The following SGSM1 variants were observed in gnomAD, a reference collection of about 807,000 sequenced individuals.
SGSM1 encodes the protein RUN and TBC1 domain containing 2.
In SGSM1, 73 loss-of-function variants were observed where a neutral mutation model predicts 133.8. The observed-to-expected ratio is 0.55, with a 90% CI of 0.45 to 0.66. SGSM1 has a LOEUF of 0.66. SGSM1 is among the 30% of genes least tolerant of loss of function. SGSM1 has a pLI of 0.00. For missense variants in SGSM1, 1,213 were observed against 1,448.1 expected, an observed-to-expected ratio of 0.84 and a Z score of 2.64; for synonymous variants, 563 against 573.0, an observed-to-expected ratio of 0.98 and a Z score of 0.25.
chr22:24,856,132 C>T, intron 8 of SGSM1: 1 of 351,130 alleles, frequency 2.8e-6, no homozygotes, highest in South Asian at 2.2e-5. Flanking sequence ...CATCTGTTCG[C>T]TCTTGTTCTC....
chr22:24,900,151 G>A (rs530813988), intron 19 of SGSM1, among the ~76,000 whole-genome samples: 95 of 151,478 alleles, frequency 6.3e-4, no homozygotes, highest in Non-Finnish European at 1.1e-3. Context: ...CCCACAAGTA[G>A]CTGGGACTAC....
At chr22:24,823,799 A>G (rs977678120) in intron 2 of SGSM1, among the ~76,000 whole-genome samples, 9 of 151,160 alleles carry the variant, frequency 6.0e-5, no homozygotes, top group African/African-American at 9.7e-5. Flanking sequence ...AGTCCCAGCT[A>G]CTCGGGAGGC....
Position 24,924,239 on chromosome 22 carries a change from G to A in SGSM1, c.3247G>A (p.Val1083Met), listed in dbSNP as rs1258882918. ...KQVLKLARDL[V>M]YKVQTLIENK ...AGTCCTGAAGCTGGCGCGGGACCTC[G>A]TGTACAAGGTGCAGACTCTGATTGA... The change falls in exon 25 of 25, where the codon GTG (valine) becomes ATG (methionine). Residue 1083 changes from valine (V) to methionine (M), a missense_variant. By Grantham distance (21) the Val-to-Met change is conservative. Transcript: ENST00000400358. 5 of 1,613,856 alleles carry A rather than the reference G, an allele frequency of 3.1e-6. No individual in the cohort carries two copies. Among genetic ancestry groups the A allele is most frequent in the African/African-American group, 1.3e-5 (1 of 74,928 alleles).
chr22:24,905,313 G>T lies in SGSM1; in HGVS notation c.2818+126G>T, dbSNP rs1933334279. On this transcript the variant is annotated intron_variant, in intron 21 of 24. Transcript: ENST00000400358. ...AGCCAGGTGCTCTGAAGGCCTGTCTGGTGAACACATCAAGATCCTAGTGAA... is the reference window on the plus strand; with the variant it reads ...AGCCAGGTGCTCTGAAGGCCTGTCTTGTGAACACATCAAGATCCTAGTGAA... 3.4e-6 allele frequency: 3 copies of T among 874,188 alleles called. No homozygotes were observed. In the Admixed American group the frequency reaches 5.4e-5, roughly 16 times the overall value. The allele number at this position is 874,188 out of a possible 1,614,324, so 54.2% of individuals were successfully genotyped here.
rs199948999 is a variant in SGSM1 at position 24,887,158 on chromosome 22, C to T, written c.1770+430C>T. Among the ~76,000 whole-genome samples the T allele has an allele frequency of 1.3e-4, 19 of 140,832 alleles. No individual in the cohort carries two copies. In the South Asian group the frequency reaches 4.4e-3, roughly 33 times the overall value. 92.4% of individuals were successfully genotyped at this position (140,832 alleles called of 152,430 possible). On this transcript the variant is annotated intron_variant, in intron 16 of 24. Coordinates refer to ENST00000400358, the MANE Select transcript of SGSM1 (RefSeq NM_001098497.3). ...GTGTGTTTTCTCTGCAGTTTTCTCA[C>T]GTGTAGATCTGTGTCCATCACCACG...
At chr22:24,862,229 C>T (rs1004566982) in intron 9 of SGSM1, among the ~76,000 whole-genome samples, 3 of 152,012 alleles carry the variant, frequency 2.0e-5, no homozygotes, top group South Asian at 2.1e-4. Context: ...GGATTACAGG[C>T]GTGAGCCACC....
At chr22:24,871,949 A>G (rs1310904263) in intron 12 of SGSM1, among the ~76,000 whole-genome samples, 1 of 152,172 alleles carries the variant, frequency 6.6e-6, no homozygotes, top group Non-Finnish European at 1.5e-5. Flanking sequence ...GAAGTCAACA[A>G]ACCCCTTTTC....
At position 24,862,612 on chromosome 22, in the gene SGSM1, A is replaced by T. The variant is rs112100085; in HGVS notation, c.926+2772A>T. On this transcript the variant is annotated intron_variant, in intron 9 of 24. Transcript: ENST00000400358. ...GTCAGGACCTGGATTCATTCACTGG[A>T]TGTTTACTGAGCCCCTACTCTGTGC... 2.1e-3 allele frequency among the ~76,000 whole-genome samples: 325 copies of T among 152,274 alleles called. 1 individual carries two copies. Among genetic ancestry groups the T allele is most frequent in the African/African-American group, 7.6e-3 (316 of 41,562 alleles).
intron 21 of SGSM1, among the ~76,000 whole-genome samples, chr22:24,908,470 T>C (rs1933489712): frequency 6.6e-6 from 1 of 152,098 alleles, no homozygotes; most frequent in Non-Finnish European, 1.5e-5. Flanking sequence ...AAAGGACTTG[T>C]AACCAAAATA....
chr22:24,819,155 A>AAC (rs1555919585), intron 2 of SGSM1, among the ~76,000 whole-genome samples: 3 of 110,920 alleles, frequency 2.7e-5, no homozygotes, highest in Non-Finnish European at 6.6e-5. Context: ...AAAAAAAAAA[A>AAC]AAACAATAAT....
intron 14 of SGSM1, among the ~76,000 whole-genome samples, chr22:24,883,389 T>C (rs1932440149): frequency 6.6e-6 from 1 of 152,198 alleles, no homozygotes. Flanking sequence ...TTTCTTGCTG[T>C]ATGGATTAGA....
intron 12 of SGSM1, 35 bp from the exon 13 acceptor site, chr22:24,876,542 G>C (rs752861090): frequency 6.2e-7 from 1 of 1,613,146 alleles, no homozygotes; most frequent in Non-Finnish European, 8.5e-7. Flanking sequence ...GTTTAACCAG[G>C]GTGATTCTTC....
chr22:24,904,994 A>AG (rs1162431057), intron 20 of SGSM1, 111 bp from the exon 21 acceptor site: 1 of 839,552 alleles, frequency 1.2e-6, no homozygotes, highest in Non-Finnish European at 2.1e-6. Flanking sequence ...CAGGAGGCTG[A>AG]GGGAGGGGTC....
chr22:24,828,092 A>C (rs1182887145), intron 2 of SGSM1, among the ~76,000 whole-genome samples: 1 of 152,048 alleles, frequency 6.6e-6, no homozygotes, highest in East Asian at 1.9e-4. Flanking sequence ...CCTAACTCCC[A>C]GTGTGGTATT....
chr22:24,817,821 C>T (rs11914072), intron 2 of SGSM1, among the ~76,000 whole-genome samples: 3,030 of 152,274 alleles, frequency 0.02, 99 homozygotes, highest in African/African-American at 0.069. Flanking sequence ...GAGATCAGGG[C>T]GGCAGCATGG....
chr22:24,841,125 C>T lies in SGSM1; in HGVS notation c.64-3772C>T, dbSNP rs555451119. On this transcript the variant is annotated intron_variant, in intron 2 of 24. Coordinates refer to ENST00000400358, the MANE Select transcript of SGSM1 (RefSeq NM_001098497.3). ...TTGGCCTCCCAAAGTGCTGGGATTA[C>T]AGGCGTGAGCCACCGTGCCCTGCTG... is the stretch of plus-strand genomic sequence containing the variant. Among the ~76,000 whole-genome samples the T allele has an allele frequency of 5.3e-5, 8 of 152,350 alleles. No homozygotes were observed. The East Asian group carries it at 5.8e-4, about 11-fold the overall frequency.
intron 2 of SGSM1, among the ~76,000 whole-genome samples, chr22:24,837,179 TA>T (rs1340792743): frequency 1.3e-5 from 2 of 152,102 alleles, no homozygotes; most frequent in Non-Finnish European, 2.9e-5. Flanking sequence ...CACTGTTATT[TA>T]TTGGATACAA....
intron 17 of SGSM1, among the ~76,000 whole-genome samples, chr22:24,894,387 C>T (rs944209579): frequency 2.0e-5 from 3 of 152,148 alleles, no homozygotes; most frequent in East Asian, 3.8e-4. Context: ...GCGAAACTCC[C>T]TCTCAAAAAA....
chr22:24,916,505 C>T (rs182275316), intron 22 of SGSM1, among the ~76,000 whole-genome samples: 1,686 of 152,120 alleles, frequency 0.011, 20 homozygotes, highest in Non-Finnish European at 0.014. Context: ...CCAGCCTGGC[C>T]AACATGGTGA....
Sources: allele counts gnomAD v4.1 joint callset (sites outside exome capture counted in the v4.1 genomes callset), GRCh38; gene constraint gnomAD v4.1.1; transcripts MANE v1.5; gene names NCBI Gene and HGNC (gene_info 2026-07-23, HGNC 2026-07-21).